The following ATP8B4 variants were observed in gnomAD, a reference collection of about 807,000 sequenced individuals.
ATP8B4 encodes probable phospholipid-transporting ATPase IM.
Under a neutral mutation model 145.6 loss-of-function variants are expected in ATP8B4, and 133 were observed. The ratio of observed to expected loss-of-function variants is 0.91; its 90% CI spans 0.79 to 1.05. ATP8B4 has a LOEUF of 1.05. Among genes scored for constraint, ATP8B4 ranks in the 50% least tolerant of loss-of-function variants. ATP8B4 has a pLI of 0.00. For missense variants in ATP8B4, 1,458 were observed against 1,425.2 expected (o/e 1.02, Z -0.37); for synonymous variants, 507 against 492.9 (o/e 1.03, Z -0.38).
upstream of ATP8B4, among the ~76,000 whole-genome samples, chr15:50,122,898 T>C (rs909131896): frequency 2.0e-5 from 3 of 152,138 alleles, no homozygotes; most frequent in Admixed American, 6.6e-5. Context: ...GGTTGCAAAA[T>C]TGGGAAGATT....
chr15:49,895,932 T>C (rs2037347243), intron 23 of ATP8B4: 2 of 152,228 alleles, frequency 1.3e-5, no homozygotes, highest in Non-Finnish European at 2.9e-5. Context: ...CTTGAGATTC[T>C]TCAGCCTTAA....
At chr15:50,115,400 G>T (rs2057133750) in intron 1 of ATP8B4, among the ~76,000 whole-genome samples, 1 of 151,972 alleles carries the variant, frequency 6.6e-6, no homozygotes, top group African/African-American at 2.4e-5. Flanking sequence ...TAGAAGGAGG[G>T]ATGGAGAACT....
chr15:49,920,225 A>G (rs918926287), intron 18 of ATP8B4, 21 bp downstream of exon 18: 1 of 1,611,780 alleles, frequency 6.2e-7, no homozygotes, highest in Admixed American at 1.7e-5. Flanking sequence ...AACACAAACC[A>G]TCATGCTTCT....
intron 1 of ATP8B4, among the ~76,000 whole-genome samples, chr15:50,130,731 G>A (rs1324369326): frequency 2.0e-5 from 3 of 151,978 alleles, no homozygotes; most frequent in African/African-American, 7.3e-5. Flanking sequence ...AGTCGAGATG[G>A]TGCCACTGCA....
intron 24 of ATP8B4, 49 bp downstream of exon 24, chr15:49,879,327 A>T: frequency 6.6e-7 from 1 of 1,504,712 alleles, no homozygotes; most frequent in Non-Finnish European, 9.1e-7. Flanking sequence ...ACAAAAAACT[A>T]AAAGGCATAA....
At chr15:50,083,547 G>T (rs919061182) in intron 2 of ATP8B4, among the ~76,000 whole-genome samples, 24 of 152,220 alleles carry the variant, frequency 1.6e-4, no homozygotes, top group Middle Eastern at 6.8e-3. Flanking sequence ...GCCACCTAAG[G>T]GTTGGCCAAG....
rs186035243 is a variant in ATP8B4, at chr15:49,957,485, C to T, written c.1287+4492G>A. 8.9e-4 allele frequency among the ~76,000 whole-genome samples: 136 copies of T among 152,004 alleles called. 1 individual carries two copies. The highest frequency in any genetic ancestry group is 3.1e-3 in the African/African-American group (130 of 41,510). On this transcript the variant is annotated intron_variant, in intron 14 of 27. Transcript: ENST00000284509. ...CAAGATATAGCCCCATGTAAATGGG[C>T]CAAACTCATTAAAAGATTGGAACTT...
chr15:50,025,146 A>G (rs2049908281), intron 6 of ATP8B4, among the ~76,000 whole-genome samples: 1 of 152,324 alleles, frequency 6.6e-6, no homozygotes, highest in African/African-American at 2.4e-5. Context: ...TCTCAGCCTC[A>G]AGTAAGTCAC....
intron 6 of ATP8B4, 142 bp downstream of exon 6, chr15:50,038,626 A>T: frequency 1.5e-6 from 1 of 652,246 alleles, no homozygotes; most frequent in South Asian, 2.2e-5. Context: ...CATGAAGATA[A>T]AATGGAATTA....
chr15:49,882,018 G>A (rs954201258), intron 23 of ATP8B4, among the ~76,000 whole-genome samples: 2 of 152,154 alleles, frequency 1.3e-5, no homozygotes, highest in Non-Finnish European at 2.9e-5. Flanking sequence ...GATATTTTCT[G>A]GGCTAGCCAA....
intron 3 of ATP8B4, among the ~76,000 whole-genome samples, chr15:50,059,019 G>A (rs2052812902): frequency 6.6e-6 from 1 of 152,030 alleles, no homozygotes. Flanking sequence ...AATAATTTAT[G>A]AATAAAGTGC....
chr15:50,081,035 C>A (rs868038700), intron 2 of ATP8B4, among the ~76,000 whole-genome samples: 2 of 152,012 alleles, frequency 1.3e-5, no homozygotes, highest in Middle Eastern at 3.4e-3. Flanking sequence ...ATGGCGAGAA[C>A]CCGGGAGGCG....
chr15:50,143,231 T>C (rs2044235871), intron 1 of ATP8B4, among the ~76,000 whole-genome samples: 1 of 152,228 alleles, frequency 6.6e-6, no homozygotes, highest in East Asian at 1.9e-4. Context: ...AACAATATAG[T>C]GTCTGTGGGT....
chr15:50,023,767 T>C (rs2049774395), intron 6 of ATP8B4, among the ~76,000 whole-genome samples: 1 of 66,260 alleles, frequency 1.5e-5, no homozygotes, highest in African/African-American at 5.6e-5. Context: ...CACAAAAAAT[T>C]GAGACCAAAG....
intron 7 of ATP8B4, among the ~76,000 whole-genome samples, chr15:50,006,904 C>T (rs1485230557): frequency 2.0e-5 from 3 of 152,094 alleles, no homozygotes; most frequent in Non-Finnish European, 2.9e-5. Flanking sequence ...GTCCGAGTTC[C>T]GGTGGTATCA....
At chr15:50,031,373 G>C (rs572954192) in intron 6 of ATP8B4, among the ~76,000 whole-genome samples, 14 of 152,146 alleles carry the variant, frequency 9.2e-5, no homozygotes, top group African/African-American at 3.4e-4. Context: ...GGAGATAAAA[G>C]ACTCCGGTAG....
chr15:49,944,624 T>C (rs764789901), intron 14 of ATP8B4, among the ~76,000 whole-genome samples: 4 of 151,916 alleles, frequency 2.6e-5, no homozygotes, highest in African/African-American at 4.8e-5. Flanking sequence ...TAGTAAGAGG[T>C]GTCAATATTT....
chr15:50,032,798 T>C (rs1443899783), intron 6 of ATP8B4, among the ~76,000 whole-genome samples: 1 of 152,102 alleles, frequency 6.6e-6, no homozygotes, highest in African/African-American at 2.4e-5. Flanking sequence ...ATAAGAAATC[T>C]TGGCATAGAA....
Position 50,056,090 on chromosome 15 carries a change from C to G in ATP8B4, c.88-8626G>C, listed in dbSNP as rs1600109403. Among the ~76,000 whole-genome samples, 5 of 152,244 alleles carry G rather than the reference C, an allele frequency of 3.3e-5. No individual in the cohort carries two copies. The Middle Eastern group carries it at 0.014, about 414-fold the overall frequency. On this transcript the variant is annotated intron_variant, in intron 3 of 27. Transcript: ENST00000284509. ...AGTGTGTCAATCAATACTGACTACACTCATCATCACCACCACCACCACCAC... is the reference window on the plus strand; with the variant it reads ...AGTGTGTCAATCAATACTGACTACAGTCATCATCACCACCACCACCACCAC...
Sources: allele counts gnomAD v4.1 joint callset (sites outside exome capture counted in the v4.1 genomes callset), GRCh38; gene constraint gnomAD v4.1.1; transcripts MANE v1.5; gene names NCBI Gene and HGNC (gene_info 2026-07-23, HGNC 2026-07-21).